The following BIVM variants were observed in gnomAD, a reference collection of about 807,000 sequenced individuals.
BIVM encodes the protein basic, immunoglobulin-like variable motif containing, also known as basic immunoglobulin-like variable motif-containing protein.
A neutral mutation model predicts 61.4 loss-of-function variants in BIVM; 31 were observed. That is an observed-to-expected ratio of 0.51 (90% CI 0.38 to 0.68). The LOEUF (loss-of-function observed/expected upper bound fraction) is 0.68. BIVM is among the 30% of genes least tolerant of loss of function. The pLI is 0.00. For missense variants in BIVM, 526 were observed against 596.0 expected (o/e 0.88, Z 1.22); for synonymous variants, 189 against 210.7 (o/e 0.90, Z 0.89).
At chr13:102,833,491 C>G (rs139450589) in intron 8 of BIVM, among the ~76,000 whole-genome samples, 1 of 151,954 alleles carries the variant, frequency 6.6e-6, no homozygotes, top group Non-Finnish European at 1.5e-5. Flanking sequence ...CCATACTTGG[C>G]TAATTTTGAG....
At chr13:102,831,873 C>CAAAAAAAAA (rs67223159) in intron 8 of BIVM, among the ~76,000 whole-genome samples, 176 bp downstream of exon 8, 83 of 105,534 alleles carry the variant, frequency 7.9e-4, no homozygotes, top group African/African-American at 2.5e-3. Flanking sequence ...ACTAAAAATA[C>CAAAAAAAAA]AAAAAAAAAA....
chr13:102,807,263 A>T lies in BIVM; in HGVS notation c.-5A>T, dbSNP rs887465835. On this transcript the variant is annotated 5_prime_UTR_variant, in exon 3 of 11. Coordinates refer to ENST00000257336, the MANE Select transcript of BIVM (RefSeq NM_017693.4). This position sits in a 1 kb window ranked among gnomAD's most constrained non-coding sequence, Gnocchi z 4.0. ...CTAGTAATAGAAACTTTTACACTGC[A>T]TTCAATGCCTAACGTTGCAGAAACA... 6.3e-7 allele frequency: 1 copy of T among 1,595,786 alleles called. No individual in the cohort carries two copies. The highest frequency in any genetic ancestry group is 1.3e-5 in the African/African-American group (1 of 74,378).
intron 1 of BIVM, among the ~76,000 whole-genome samples, chr13:102,803,939 C>T (rs911674049): frequency 1.3e-5 from 2 of 152,204 alleles, no homozygotes; most frequent in Admixed American, 1.3e-4. Flanking sequence ...ATCACCGTTG[C>T]ACCACCAGAT....
At chr13:102,825,697 G>C (rs1354002374) in intron 7 of BIVM, among the ~76,000 whole-genome samples, 2 of 152,230 alleles carry the variant, frequency 1.3e-5, no homozygotes, top group Non-Finnish European at 2.9e-5. Context: ...CTGCTGTGGA[G>C]CATGTGGAAT....
chr13:102,832,889 G>T (rs997628436), intron 8 of BIVM, among the ~76,000 whole-genome samples: 5 of 152,096 alleles, frequency 3.3e-5, no homozygotes, highest in Non-Finnish European at 5.9e-5. Flanking sequence ...AGTTTTAATG[G>T]TTTTTTTCCT....
chr13:102,802,342 A>C (rs1826441274), intron 1 of BIVM, among the ~76,000 whole-genome samples: 1 of 152,196 alleles, frequency 6.6e-6, no homozygotes, highest in South Asian at 2.1e-4. Flanking sequence ...GCAATAATAG[A>C]AGCCCCCTTG....
chr13:102,800,429 T>C (rs1416790433), intron 1 of BIVM: 1 of 152,252 alleles, frequency 6.6e-6, no homozygotes, highest in Non-Finnish European at 1.5e-5. Context: ...GGCTGGGGAC[T>C]CGGGGTGCCC....
intron 9 of BIVM, among the ~76,000 whole-genome samples, chr13:102,838,065 G>C (rs914821688): frequency 1.3e-5 from 2 of 152,072 alleles, no homozygotes; most frequent in African/African-American, 4.8e-5. Context: ...ACTTAAAAAA[G>C]ATATTGCAAT....
At chr13:102,800,318 C>G (rs547492324) in intron 1 of BIVM, 2 of 152,320 alleles carry the variant, frequency 1.3e-5, no homozygotes, top group South Asian at 4.1e-4. Context: ...CCCCGGGCCT[C>G]GGCGCGCTCC....
At chr13:102,839,474 G>A in intron 10 of BIVM, 98 bp from the exon 11 acceptor site, 1 of 1,473,842 alleles carries the variant, frequency 6.8e-7, no homozygotes, top group Non-Finnish European at 9.1e-7. Flanking sequence ...TCTGAGGCCG[G>A]TGAAGTAAAA....
At chr13:102,815,554 G>T (rs1365237176) in intron 3 of BIVM, among the ~76,000 whole-genome samples, 1 of 151,968 alleles carries the variant, frequency 6.6e-6, no homozygotes, top group Admixed American at 6.6e-5. Flanking sequence ...CCATGATGTG[G>T]TTATTTCACA....
chr13:102,837,803 G>A (rs1252362486), intron 9 of BIVM, among the ~76,000 whole-genome samples: 1 of 152,232 alleles, frequency 6.6e-6, no homozygotes, highest in Admixed American at 6.5e-5. Context: ...CTCAGGAATG[G>A]AAAGCCAAAT....
At chr13:102,802,963 A>G (rs1174733107) in intron 1 of BIVM, among the ~76,000 whole-genome samples, 2 of 151,964 alleles carry the variant, frequency 1.3e-5, no homozygotes, top group African/African-American at 4.8e-5. Flanking sequence ...TTTAGCGTCC[A>G]GGAAGCTTAC....
At chr13:102,818,207 A>C (rs1399059640) in intron 4 of BIVM, among the ~76,000 whole-genome samples, 1 of 152,222 alleles carries the variant, frequency 6.6e-6, no homozygotes, top group East Asian at 1.9e-4. Flanking sequence ...TAGCTTGTCT[A>C]AAGTGAGGCT....
intron 3 of BIVM, among the ~76,000 whole-genome samples, chr13:102,814,962 T>A (rs1259496900): frequency 6.6e-6 from 1 of 152,122 alleles, no homozygotes; most frequent in African/African-American, 2.4e-5. Context: ...GAGGATTGCT[T>A]GAGCCCCGGA....
Position 102,820,351 on chromosome 13 carries a change from CAAAAA to C in BIVM, c.606-666_606-662del, listed in dbSNP as rs6145205. ...TGGGCGACAGAGTGAGACTCTGTCT[CAAAAA>C]AAAAAAAAAAAAAAAAAAAGAGAAA... On this transcript the variant is annotated intron_variant, in intron 4 of 10. Transcript: ENST00000257336. The C allele has an allele frequency of 4.4e-3, 366 of 83,434 alleles. 8 individuals are homozygous for C. Among genetic ancestry groups the C allele is most frequent in the South Asian group, 9.0e-3 (22 of 2,452 alleles). The allele number at this position is 83,434 out of a possible 1,614,324, so 5.2% of individuals were successfully genotyped here. A position where few individuals can be genotyped will look rare whatever the true frequency, so the allele number is the denominator to read the frequency against.
chr13:102,828,718 T>C (rs886132831), intron 7 of BIVM, among the ~76,000 whole-genome samples: 1 of 69,440 alleles, frequency 1.4e-5, no homozygotes, highest in Non-Finnish European at 3.5e-5. Flanking sequence ...CTGTCCTCCA[T>C]GTACCAGTTG....
In BIVM at chr13:102,807,659, CCAACAGCCTGGG is replaced by C; in HGVS notation, c.396_407del (p.Asn132_Gly135del). On this transcript the variant is annotated inframe_deletion, in exon 3 of 11. Transcript: ENST00000257336. The surrounding 1 kb of genome is among the most constrained non-coding windows in gnomAD (Gnocchi z 4.0). ...GAAGAAAATAGCTTGGAAAACTTAT[CCAACAGCCTGGG>C]CAAGCTACCTCTCGCATGGGAAATT... is the stretch of plus-strand genomic sequence containing the variant. The C allele has an allele frequency of 6.2e-7, 1 of 1,614,116 alleles. No homozygotes were observed. Among genetic ancestry groups the C allele is most frequent in the Non-Finnish European group, 8.5e-7 (1 of 1,180,032 alleles).
chr13:102,822,235 G>C, intron 7 of BIVM, 76 bp downstream of exon 7: 1 of 1,417,388 alleles, frequency 7.1e-7, no homozygotes, highest in Non-Finnish European at 9.7e-7. Flanking sequence ...ACGGTTTAGA[G>C]TTCGTCTCAA....
Sources: gnomAD v4.1 joint callset for allele counts (sites outside exome capture counted in the v4.1 genomes callset) on GRCh38, gnomAD v4.1.1 for gene constraint, Gnocchi (gnomAD v3.1) non-coding constraint, MANE v1.5 for transcripts, NCBI Gene and HGNC (gene_info 2026-07-23, HGNC 2026-07-21) for gene names.